Variants in ALK observed in about 807,000 individuals in gnomAD.
The protein encoded by ALK is ALK tyrosine kinase receptor.
Under a neutral mutation model 163.1 loss-of-function variants are expected in ALK, and 74 were observed. The ratio of observed to expected loss-of-function variants is 0.45; its 90% CI spans 0.38 to 0.55. ALK has a LOEUF of 0.55. Ranked by LOEUF, ALK falls within the 20% of genes least tolerant of loss-of-function variation. The probability of loss-of-function intolerance (pLI) is 0.00; values close to 1 mark genes in which losing one functional copy is unlikely to be tolerated. For missense variants in ALK, 2,063 were observed against 2,105.3 expected, an observed-to-expected ratio of 0.98 and a Z score of 0.39; for synonymous variants, 960 against 843.2, an observed-to-expected ratio of 1.14 and a Z score of -2.40.
intron 4 of ALK, among the ~76,000 whole-genome samples, chr2:29,461,997 G>A (rs1345184821): frequency 1.3e-5 from 2 of 152,110 alleles, no homozygotes; most frequent in Non-Finnish European, 2.9e-5. Context: ...ATCCCTCACG[G>A]ATGACTTTGA....
chr2:29,226,031 G>A (rs1663974769), intron 18 of ALK, among the ~76,000 whole-genome samples: 1 of 152,112 alleles, frequency 6.6e-6, no homozygotes, highest in African/African-American at 2.4e-5. Flanking sequence ...CGGAGGTATC[G>A]TGCTTGGTAC....
In ALK at chr2:29,921,570, G is replaced by A. The variant is rs1668006569; in HGVS notation, c.-911C>T. The A allele has an allele frequency of 4.3e-6, 1 of 230,990 alleles. No homozygotes were observed. Among genetic ancestry groups the A allele is most frequent in the Admixed American group, 5.6e-5 (1 of 17,700 alleles). 14.3% of individuals were successfully genotyped at this position (230,990 alleles called of 1,614,324 possible). On this transcript the variant is annotated 5_prime_UTR_variant, in exon 1 of 29. Transcript: ENST00000389048. ...TGCTACCACCGCTGCCGCCCCCAGA[G>A]CCGCTGGATCGCATCTGCCTGGGCG...
At chr2:29,568,508 T>C (rs945258704) in intron 3 of ALK, among the ~76,000 whole-genome samples, 23 of 152,186 alleles carry the variant, frequency 1.5e-4, no homozygotes, top group African/African-American at 5.6e-4. Flanking sequence ...TTCAGGTGGG[T>C]GACTCAAAGT....
At chr2:29,358,484 T>A (rs534797889) in intron 5 of ALK, among the ~76,000 whole-genome samples, 140 of 152,202 alleles carry the variant, frequency 9.2e-4, no homozygotes, top group Non-Finnish European at 1.7e-3. Flanking sequence ...AGGCTCTCCA[T>A]CTTGTTTGTC....
intron 18 of ALK, 79 bp from the exon 19 acceptor site, chr2:29,225,644 C>T (rs1296154921): frequency 1.1e-5 from 13 of 1,216,194 alleles, no homozygotes; most frequent in African/African-American, 1.5e-5. Flanking sequence ...AAATAACCTC[C>T]CCCACTGAGA....
chr2:29,797,163 A>G, intron 1 of ALK, among the ~76,000 whole-genome samples: 1 of 152,262 alleles, frequency 6.6e-6, no homozygotes, highest in Non-Finnish European at 1.5e-5. Flanking sequence ...CATTTTAAAA[A>G]AATTAAAAAC....
chr2:29,275,386 G>A lies in ALK; in HGVS notation c.1912+16C>T. The stretch of plus-strand genomic sequence containing the variant: ...GGGGGTTGGGGGACAGAGTGCTGGG[G>A]TCAGAGTGAACTCACTGGTGAGGTA... On this transcript the variant is annotated intron_variant, in intron 10 of 28. Transcript: ENST00000389048. The A allele has an allele frequency of 6.2e-7, 1 of 1,613,602 alleles. No homozygotes were observed. The highest frequency in any genetic ancestry group is 8.5e-7 in the Non-Finnish European group (1 of 1,179,584).
chr2:29,782,345 C>G (rs1663849709), intron 1 of ALK, among the ~76,000 whole-genome samples: 1 of 152,102 alleles, frequency 6.6e-6, no homozygotes, highest in African/African-American at 2.4e-5. Flanking sequence ...CTTCATGGGA[C>G]TCCATCCAAC....
intron 8 of ALK, among the ~76,000 whole-genome samples, chr2:29,314,490 T>G (rs573746498): frequency 5.9e-5 from 9 of 152,174 alleles, no homozygotes; most frequent in African/African-American, 2.2e-4. Context: ...TGTGTATGTG[T>G]GTGTGTGTTT....
chr2:29,349,457 G>C (rs574993435), intron 5 of ALK, among the ~76,000 whole-genome samples: 1 of 152,316 alleles, frequency 6.6e-6, no homozygotes, highest in East Asian at 1.9e-4. Flanking sequence ...AGTCACAGTG[G>C]GGAAATCAGA....
chr2:29,816,265 G>A (rs908221664), intron 1 of ALK, among the ~76,000 whole-genome samples: 5 of 152,188 alleles, frequency 3.3e-5, no homozygotes, highest in South Asian at 4.1e-4. Context: ...GTTCACCTGG[G>A]TGAGGGCTGG....
intron 1 of ALK, among the ~76,000 whole-genome samples, chr2:29,790,389 C>G (rs1182311918): frequency 6.6e-6 from 1 of 152,106 alleles, no homozygotes; most frequent in African/African-American, 2.4e-5. Flanking sequence ...TTAATCTATG[C>G]AAAATCCTCT....
rs183362697 is a variant in ALK at position 29,823,094 on chromosome 2, A to T, written c.667+96899T>A. On this transcript the variant is annotated intron_variant, in intron 1 of 28. Transcript: ENST00000389048. ...GTCTTTCCCATGCTGTTCTCCTGAT[A>T]GTGAATAAGTCTCATGAGATCTGAT... 2.6e-5 allele frequency among the ~76,000 whole-genome samples: 4 copies of T among 152,318 alleles called. No homozygotes were observed. In the East Asian group the frequency reaches 7.7e-4, roughly 29 times the overall value.
intron 15 of ALK, among the ~76,000 whole-genome samples, chr2:29,232,015 A>AG (rs959880356): frequency 8.6e-5 from 10 of 116,494 alleles, no homozygotes; most frequent in Admixed American, 1.7e-4. Context: ...AAGGAATCTC[A>AG]GGGGGAGGCT....
intron 1 of ALK, among the ~76,000 whole-genome samples, chr2:29,748,094 G>C (rs747045656): frequency 1.3e-5 from 2 of 152,250 alleles, no homozygotes; most frequent in Non-Finnish European, 2.9e-5. Context: ...CGGTCAAGTG[G>C]ACTTCCCTTC....
intron 2 of ALK, among the ~76,000 whole-genome samples, chr2:29,705,261 A>C (rs375246920): frequency 0.11 from 7,611 of 67,212 alleles, 894 homozygotes; most frequent in African/African-American, 0.23. Context: ...ATATATATAT[A>C]TATATATATA....
At chr2:29,509,233 T>A (rs1327204157) in intron 4 of ALK, among the ~76,000 whole-genome samples, 1 of 152,172 alleles carries the variant, frequency 6.6e-6, no homozygotes, top group East Asian at 1.9e-4. Context: ...TTGACCTTTT[T>A]CAGCATTATT....
rs551230732 is a variant in ALK, at chr2:29,503,221, T to C, written c.1154+28694A>G. ...GAGATAGATAGGTAACAAATTATGA[T>C]TCCCATTTTACAGTTGAAGAAACTG... is the stretch of plus-strand genomic sequence containing the variant. On this transcript the variant is annotated intron_variant, in intron 4 of 28. Transcript: ENST00000389048. Among the ~76,000 whole-genome samples, 3 of 152,352 alleles carry C rather than the reference T, an allele frequency of 2.0e-5. No homozygotes were observed. The South Asian group carries it at 6.2e-4, about 32-fold the overall frequency.
chr2:29,901,951 G>A (rs1341566165), intron 1 of ALK, among the ~76,000 whole-genome samples: 1 of 152,182 alleles, frequency 6.6e-6, no homozygotes, highest in Non-Finnish European at 1.5e-5. Context: ...AGGGGAGGGG[G>A]AAAGAGAGAA....
Sources: allele counts gnomAD v4.1 joint callset (sites outside exome capture counted in the v4.1 genomes callset), GRCh38; gene constraint gnomAD v4.1.1; transcripts MANE v1.5; gene names NCBI Gene and HGNC (gene_info 2026-07-23, HGNC 2026-07-21).